The following ZBTB49 variants were observed in gnomAD, a reference collection of about 807,000 sequenced individuals.
ZBTB49 encodes the protein zinc finger and BTB domain containing 49, also known as zinc finger and BTB domain-containing protein 49.
Under a neutral mutation model 57.5 loss-of-function variants are expected in ZBTB49, and 43 were observed. The observed-to-expected ratio is 0.75, with a 90% CI of 0.59 to 0.97. The LOEUF (loss-of-function observed/expected upper bound fraction) is 0.97. Among genes scored for constraint, ZBTB49 ranks in the 50% least tolerant of loss-of-function variants. The pLI is 0.00. For synonymous variants in ZBTB49, 369 were observed against 362.1 expected (o/e 1.02, Z -0.22); for missense variants, 938 against 947.7 (o/e 0.99, Z 0.13).
rs1720727781 is a variant in ZBTB49, at chr4:4,306,200, T to C, written c.1302+16T>C. On this transcript the variant is annotated intron_variant, in intron 4 of 7. Coordinates refer to ENST00000337872, the MANE Select transcript of ZBTB49 (RefSeq NM_145291.4). Reference sequence around the variant, plus strand: ...TTTCTCTCAGGTGGGAATACTCTTATTTATTGTTAATAATTGGAAACCTGC... The same window carrying C: ...TTTCTCTCAGGTGGGAATACTCTTACTTATTGTTAATAATTGGAAACCTGC... The C allele has an allele frequency of 6.2e-7, 1 of 1,607,182 alleles. No individual in the cohort carries two copies.
intron 1 of ZBTB49, 74 bp from the exon 2 acceptor site, chr4:4,299,853 G>GT: frequency 7.3e-7 from 1 of 1,375,606 alleles, no homozygotes; most frequent in Non-Finnish European, 1.0e-6. Flanking sequence ...AGATCAATCA[G>GT]TAAGTTTCAG....
At position 4,302,278 on chromosome 4, in the gene ZBTB49, A is replaced by G; in HGVS notation, c.442A>G (p.Ile148Val). The G allele has an allele frequency of 6.2e-7, 1 of 1,614,162 alleles. No individual in the cohort carries two copies. The highest frequency in any genetic ancestry group is 1.1e-5 in the South Asian group (1 of 91,080). ...STLTPDATCV[I>V]SENYPPHLLQ... ...CCTGACCCCAGATGCCACTTGTGTT[A>G]TCAGTGAAAACTACCCCCCTCATTT... is the stretch of plus-strand genomic sequence containing the variant. The change falls in exon 3 of 8, where the codon ATC becomes GTC. Residue 148 changes from isoleucine to valine, a missense_variant. By Grantham distance (29) the Ile-to-Val change is conservative (BLOSUM62 3). This residue lies in a region of ZBTB49 where 835 missense variants were observed against 819.1 expected (regional missense o/e 1.02). Coordinates refer to ENST00000337872, the MANE Select transcript of ZBTB49 (RefSeq NM_145291.4).
chr4:4,306,073 A>T, intron 3 of ZBTB49, 65 bp from the exon 4 acceptor site: 1 of 1,501,000 alleles, frequency 6.7e-7, no homozygotes, highest in Non-Finnish European at 9.2e-7. Flanking sequence ...GAGGTCATTT[A>T]AACAAAAAAT....
chr4:4,305,848 A>C (rs1294559690), intron 3 of ZBTB49, among the ~76,000 whole-genome samples: 1 of 152,216 alleles, frequency 6.6e-6, no homozygotes, highest in Non-Finnish European at 1.5e-5. Context: ...ACAGGAAAAG[A>C]CCACTTCCAG....
Position 4,315,782 on chromosome 4 carries a change from GCTTAACAC to G in ZBTB49, c.1460-24_1460-17del. 6.2e-7 allele frequency: 1 copy of G among 1,613,926 alleles called. No homozygotes were observed. Among genetic ancestry groups the G allele is most frequent in the Non-Finnish European group, 8.5e-7 (1 of 1,179,834 alleles). ...TGATTAAAATGTTCTCTGTCCTTCA[GCTTAACAC>G]CTGTTATGGTCTCTCTAGGGTTTAG... is the stretch of plus-strand genomic sequence containing the variant. On this transcript the variant is annotated intron_variant, in intron 6 of 7. Transcript: ENST00000337872.
Position 4,312,923 on chromosome 4 carries a change from T to G in ZBTB49, c.1303-118T>G, listed in dbSNP as rs61104586. The G allele has an allele frequency of 1.9e-3, 2,183 of 1,137,882 alleles. 28 individuals carry two copies. In the African/African-American group the frequency reaches 0.029, roughly 15 times the overall value. 70.5% of individuals were successfully genotyped at this position (1,137,882 alleles called of 1,614,324 possible). A position where few individuals can be genotyped will look rare whatever the true frequency, so the allele number is the denominator to read the frequency against. On this transcript the variant is annotated intron_variant, in intron 4 of 7. Transcript: ENST00000337872. ...CTTTTGAGTTGTGTGTAGCTCATCT[T>G]CATCTGGAATTTGAATTGGAACCTG...
Position 4,313,073 on chromosome 4 carries a change from T to G in ZBTB49, c.1335T>G (p.His445Gln). 2 of 1,614,240 alleles carry G rather than the reference T, an allele frequency of 1.2e-6. No homozygotes were observed. Among genetic ancestry groups the G allele is most frequent in the Non-Finnish European group, 1.7e-6 (2 of 1,180,032 alleles). ...AGNLQTHLRR[H>Q]SGEKPYICEI... Reference sequence around the variant, plus strand: ...ACTTGCAGACTCACTTACGACGGCATTCTGGTGAAAAACCATACATCTGCG... The same window carrying G: ...ACTTGCAGACTCACTTACGACGGCAGTCTGGTGAAAAACCATACATCTGCG... Residue 445 changes from histidine to glutamine, a missense_variant, in exon 5 of 8, where the codon CAT becomes CAG. Transcript: ENST00000337872.
chr4:4,309,081 G>A (rs997967159), intron 4 of ZBTB49, among the ~76,000 whole-genome samples: 9 of 152,232 alleles, frequency 5.9e-5, no homozygotes, highest in Non-Finnish European at 2.9e-5. Context: ...ATAAATGTTT[G>A]TGGTTACATG....
intron 7 of ZBTB49, among the ~76,000 whole-genome samples, chr4:4,317,404 A>G (rs750991346): frequency 2.0e-5 from 3 of 152,198 alleles, no homozygotes; most frequent in African/African-American, 4.8e-5. Context: ...TAGATTCACA[A>G]AGTTGTATAA....
At chr4:4,315,183 G>A (rs1173868862) in intron 5 of ZBTB49, among the ~76,000 whole-genome samples, 1 of 152,172 alleles carries the variant, frequency 6.6e-6, no homozygotes, top group East Asian at 1.9e-4. Context: ...AACTCACTCT[G>A]GGCCCTCTCA....
chr4:4,318,042 A>G (rs1016009983), intron 7 of ZBTB49, among the ~76,000 whole-genome samples: 1 of 152,140 alleles, frequency 6.6e-6, no homozygotes, highest in Admixed American at 6.5e-5. Flanking sequence ...AGGGGCCTGC[A>G]GGCCCACAGC....
chr4:4,320,530 C>T, intron 7 of ZBTB49, 110 bp from the exon 8 acceptor site: 1 of 1,397,746 alleles, frequency 7.2e-7, no homozygotes, highest in Admixed American at 2.4e-5. Context: ...GTCCCAGCTA[C>T]TTGAGAGGCT....
At chr4:4,293,698 G>A (rs1720052603) in intron 1 of ZBTB49, among the ~76,000 whole-genome samples, 1 of 152,248 alleles carries the variant, frequency 6.6e-6, no homozygotes, top group African/African-American at 2.4e-5. Context: ...GTGGCATTCA[G>A]TTGGAGGAGG....
chr4:4,302,196 C>T lies in ZBTB49; in HGVS notation c.360C>T (p.Ala120=), dbSNP rs1178233638. 1 of 1,614,212 alleles carries T rather than the reference C, an allele frequency of 6.2e-7. No homozygotes were observed. Among genetic ancestry groups the T allele is most frequent in the Non-Finnish European group, 8.5e-7 (1 of 1,180,042 alleles). Residue 120 remains alanine (A), a synonymous_variant, in exon 3 of 8, where the codon GCC becomes GCT. Coordinates refer to ENST00000337872, the MANE Select transcript of ZBTB49 (RefSeq NM_145291.4). ...LSLCHTFLKS[A]TVVQPPGMPC... is the part of the protein sequence containing the mutation. ...TGTGTCACACATTTTTAAAATCAGC[C>T]ACTGTAGTACAGCCACCTGGCATGC... is the stretch of plus-strand genomic sequence containing the variant.
chr4:4,321,180 A>T lies in ZBTB49; in HGVS notation c.2162A>T (p.Asn721Ile). Residue 721 changes from asparagine (N) to isoleucine (I), a missense_variant, in exon 8 of 8, where the codon AAC becomes ATC. By Grantham distance (149) the Asn-to-Ile change is moderately radical. Coordinates refer to ENST00000337872, the MANE Select transcript of ZBTB49 (RefSeq NM_145291.4). ...CGTTCCTCTCTGGCTGCTTTGGACAACCACGGCGGTGACCCCCTGGGCAGT... is the reference window on the plus strand; with the variant it reads ...CGTTCCTCTCTGGCTGCTTTGGACATCCACGGCGGTGACCCCCTGGGCAGT... Reference protein sequence around the residue: ...MIRSSLAALDNHGGDPLGSRA... With the variant: ...MIRSSLAALDIHGGDPLGSRA... 6.2e-7 allele frequency: 1 copy of T among 1,614,162 alleles called. No individual in the cohort carries two copies. The highest frequency in any genetic ancestry group is 1.1e-5 in the South Asian group (1 of 91,072).
Position 4,303,096 on chromosome 4 carries a change from C to T in ZBTB49, c.1255+5C>T. ...TTCACAAACGGTCTCATACAGGTAA[C>T]TGATTCAGTACCCACAGGCAGAAGG... On this transcript the variant is annotated splice_donor_5th_base_variant and intron_variant, in intron 3 of 7. Transcript: ENST00000337872. The T allele has an allele frequency of 6.3e-7, 1 of 1,587,996 alleles. No individual in the cohort carries two copies.
At chr4:4,300,400 T>A (rs1720424103) in intron 2 of ZBTB49, among the ~76,000 whole-genome samples, 1 of 152,228 alleles carries the variant, frequency 6.6e-6, no homozygotes, top group Non-Finnish European at 1.5e-5. Context: ...CTTCTACATA[T>A]ATTTCTTATC....
At chr4:4,312,333 C>T (rs775633795) in intron 4 of ZBTB49, among the ~76,000 whole-genome samples, 2 of 152,108 alleles carry the variant, frequency 1.3e-5, no homozygotes, top group Non-Finnish European at 2.9e-5. Flanking sequence ...GTTTTAATTT[C>T]GCTGTACTTT....
chr4:4,298,978 C>T lies in ZBTB49; in HGVS notation c.-19-949C>T, dbSNP rs192076802. Among the ~76,000 whole-genome samples the T allele has an allele frequency of 7.2e-5, 11 of 152,304 alleles. No individual in the cohort carries two copies. In the East Asian group the frequency reaches 1.9e-3, roughly 27 times the overall value. On this transcript the variant is annotated intron_variant, in intron 1 of 7. Coordinates refer to ENST00000337872, the MANE Select transcript of ZBTB49 (RefSeq NM_145291.4). ...GCGACCTGGCGTGTTTTGTTCATTG[C>T]TGTGACCCTACAGCCTGGCACACAG...
Sources: gnomAD v4.1 joint callset for allele counts (sites outside exome capture counted in the v4.1 genomes callset) on GRCh38, gnomAD v4.1.1 for gene constraint, gnomAD v4.1.1 regional missense constraint, MANE v1.5 for transcripts, NCBI Gene and HGNC (gene_info 2026-07-23, HGNC 2026-07-21) for gene names.